STAM: variants seen among roughly 807,000 people sequenced by gnomAD.
STAM encodes signal transducing adapter molecule 1.
Under a neutral mutation model 63.4 loss-of-function variants are expected in STAM, and 16 were observed. The ratio of observed to expected loss-of-function variants is 0.25; its 90% CI spans 0.17 to 0.38. STAM has a LOEUF of 0.38. Ranked by LOEUF, STAM falls within the 10% of genes least tolerant of loss-of-function variation. The pLI is 1.00. For synonymous variants in STAM, 238 were observed against 223.9 expected (o/e 1.06, Z -0.56); for missense variants, 636 against 657.1 (o/e 0.97, Z 0.35).
chr10:17,677,456 C>G (rs1472178537), intron 2 of STAM, among the ~76,000 whole-genome samples: 1 of 151,998 alleles, frequency 6.6e-6, no homozygotes, highest in East Asian at 1.9e-4. Context: ...TTATATCTGG[C>G]CTTTACCATG....
chr10:17,660,897 G>A (rs991200746), intron 2 of STAM, among the ~76,000 whole-genome samples: 2 of 152,084 alleles, frequency 1.3e-5, no homozygotes, highest in Non-Finnish European at 2.9e-5. Context: ...TAACATGGCT[G>A]GTAAAAAGTT....
intron 2 of STAM, among the ~76,000 whole-genome samples, chr10:17,673,678 A>C (rs1182971763): frequency 6.6e-6 from 1 of 152,178 alleles, no homozygotes; most frequent in Non-Finnish European, 1.5e-5. Flanking sequence ...AAACCCCGCA[A>C]ACCAACCCAA....
intron 1 of STAM, among the ~76,000 whole-genome samples, chr10:17,654,078 C>A (rs1287940026): frequency 7.2e-5 from 11 of 152,146 alleles, no homozygotes; most frequent in African/African-American, 2.7e-4. Flanking sequence ...AGAGCTGTGT[C>A]TTCAACCTGT....
At chr10:17,683,296 C>T (rs1291765316) in intron 2 of STAM, among the ~76,000 whole-genome samples, 1 of 151,972 alleles carries the variant, frequency 6.6e-6, no homozygotes, top group Admixed American at 6.6e-5. Context: ...ATTCACTGCG[C>T]CCATAGGAGC....
rs782193967 is a variant in STAM at position 17,707,413 on chromosome 10, AAAT to A, written c.1210-1342_1210-1340del. ...CGACAGAGCAAGACTCCACCTCAAA[AAAT>A]AATAATAATAATAATAATAAATAAA... On this transcript the variant is annotated intron_variant, in intron 12 of 13. Coordinates refer to ENST00000377524, the MANE Select transcript of STAM (RefSeq NM_003473.4). Among the ~76,000 whole-genome samples the A allele has an allele frequency of 2.9e-3, 433 of 151,596 alleles. 1 individual carries two copies. Among genetic ancestry groups the A allele is most frequent in the African/African-American group, 7.2e-3 (297 of 41,384 alleles).
chr10:17,646,744 C>T (rs543667398), intron 1 of STAM, among the ~76,000 whole-genome samples: 1 of 152,114 alleles, frequency 6.6e-6, no homozygotes, highest in Non-Finnish European at 1.5e-5. Context: ...AGTACATAAG[C>T]CTTGCACAGA....
Position 17,660,562 on chromosome 10 carries a change from G to T in STAM, c.125+14G>T, listed in dbSNP as rs201795138. ...GTCTCGCACTGGGTAAGTATTTAGC[G>T]TTTCAAAGGATTTTTATTCTTTCTT... On this transcript the variant is annotated intron_variant, in intron 2 of 13. Transcript: ENST00000377524. The T allele has an allele frequency of 5.8e-6, 9 of 1,561,648 alleles. No homozygotes were observed. The East Asian group carries it at 2.1e-4, about 37-fold the overall frequency.
chr10:17,680,881 G>A (rs1202653229), intron 2 of STAM, among the ~76,000 whole-genome samples: 2 of 152,104 alleles, frequency 1.3e-5, no homozygotes, highest in East Asian at 3.9e-4. Context: ...TGGACACTTG[G>A]GTTGCTTCTG....
chr10:17,711,639 C>A (rs1286169542), intron 13 of STAM, among the ~76,000 whole-genome samples: 2 of 152,090 alleles, frequency 1.3e-5, no homozygotes, highest in Non-Finnish European at 1.5e-5. Context: ...GATGTGGTAG[C>A]CTGGAATGGC....
At chr10:17,699,691 AC>A in intron 8 of STAM, among the ~76,000 whole-genome samples, 1 of 152,320 alleles carries the variant, frequency 6.6e-6, no homozygotes, top group East Asian at 1.9e-4. Flanking sequence ...CTAAACGCCT[AC>A]GTGGCACGCC....
At position 17,714,868 on chromosome 10, in the gene STAM, C is replaced by T; in HGVS notation, c.*88C>T. 2 of 1,272,182 alleles carry T rather than the reference C, an allele frequency of 1.6e-6. No homozygotes were observed. Among genetic ancestry groups the T allele is most frequent in the East Asian group, 2.3e-5 (1 of 43,246 alleles). The allele number at this position is 1,272,182 out of a possible 1,614,324, so 78.8% of individuals were successfully genotyped here. On this transcript the variant is annotated 3_prime_UTR_variant, in exon 14 of 14. Coordinates refer to ENST00000377524, the MANE Select transcript of STAM (RefSeq NM_003473.4). The stretch of plus-strand genomic sequence containing the variant: ...ATTACTATCTTAAGATGTGTTTATC[C>T]TCAGCTTATAGGAATCTCTCCAGGT...
At position 17,695,227 on chromosome 10, in the gene STAM, A is replaced by G. The variant is rs782678180; in HGVS notation, c.714A>G (p.Thr238=). 8 of 1,613,538 alleles carry G rather than the reference A, an allele frequency of 5.0e-6. No homozygotes were observed. The African/African-American group carries it at 9.3e-5, about 19-fold the overall frequency. The change falls in exon 7 of 14, where the codon ACA becomes ACG. Residue 238 remains threonine (T), a synonymous_variant. Coordinates refer to ENST00000377524, the MANE Select transcript of STAM (RefSeq NM_003473.4). ...ELTFKAGEII[T]VLDDSDPNWW... is the part of the protein sequence containing the mutation. ...CTTTTAAAGCTGGAGAAATTATTAC[A>G]GTTCTTGATGACAGGTAATGTTAAT...
Position 17,688,165 on chromosome 10 carries a change from G to A in STAM, c.436G>A (p.Gly146Ser), listed in dbSNP as rs782314871. 1 of 1,556,960 alleles carries A rather than the reference G, an allele frequency of 6.4e-7. No homozygotes were observed. The highest frequency in any genetic ancestry group is 1.2e-5 in the South Asian group (1 of 80,132). The stretch of plus-strand genomic sequence containing the variant: ...ACAAGGAGTTACGTTCCCAGCTATT[G>A]GCTCTCAGGTATTTTGGGAATGAAG... ...KEQGVTFPAI[G>S]SQAAEQAKAS... Residue 146 changes from glycine (G) to serine (S), a missense_variant, in exon 5 of 14, where the codon GGC becomes AGC. Physicochemically the swap from Gly to Ser is moderately conservative, Grantham distance 56 (BLOSUM62 0). This residue lies in a region of STAM where 532 missense variants were observed against 536.9 expected (regional missense o/e 0.99). Coordinates refer to ENST00000377524, the MANE Select transcript of STAM (RefSeq NM_003473.4).
intron 13 of STAM, among the ~76,000 whole-genome samples, chr10:17,712,147 G>T (rs1836583085): frequency 6.6e-6 from 1 of 152,222 alleles, no homozygotes; most frequent in Admixed American, 6.5e-5. Flanking sequence ...TATTTAGTAT[G>T]TTCCAAGCAC....
rs1339213110 is a variant in STAM at position 17,715,848 on chromosome 10, C to G, written c.*1068C>G. On this transcript the variant is annotated 3_prime_UTR_variant, in exon 14 of 14. Transcript: ENST00000377524. ...TCCCTTGCTAGTATTTTAAATATGT[C>G]TTTAACACATTGTATCCTTTAATTC... The G allele has an allele frequency of 1.3e-5, 2 of 152,566 alleles. No individual in the cohort carries two copies. Among genetic ancestry groups the G allele is most frequent in the African/African-American group, 4.8e-5 (2 of 41,440 alleles). 9.5% of individuals were successfully genotyped at this position (152,566 alleles called of 1,614,324 possible).
chr10:17,714,144 C>T (rs1193767543), intron 13 of STAM, among the ~76,000 whole-genome samples: 1 of 152,146 alleles, frequency 6.6e-6, no homozygotes, highest in Non-Finnish European at 1.5e-5. Flanking sequence ...GAGAGGCACC[C>T]TACCATAAAC....
At position 17,684,883 on chromosome 10, in the gene STAM, T is replaced by C; in HGVS notation, c.253T>C (p.Cys85Arg). The C allele has an allele frequency of 1.9e-6, 3 of 1,614,102 alleles. No homozygotes were observed. Among genetic ancestry groups the C allele is most frequent in the Non-Finnish European group, 1.7e-6 (2 of 1,179,952 alleles). Residue 85 changes from cysteine to arginine, a missense_variant, in exon 4 of 14, where the codon TGT (cysteine) becomes CGT (arginine). By Grantham distance (180) the Cys-to-Arg change is radical (BLOSUM62 -3). This residue lies in a region of STAM where 17 missense variants were observed against 39.9 expected (regional missense o/e 0.43). Coordinates refer to ENST00000377524, the MANE Select transcript of STAM (RefSeq NM_003473.4). The part of the protein sequence containing the change: ...NCGKIFHLEV[C>R]SRDFASEVSN... Reference sequence around the variant, plus strand: ...TGGCAAAATTTTTCATTTAGAAGTATGTTCAAGAGATTTTGCTAGTGAAGT... The same window carrying C: ...TGGCAAAATTTTTCATTTAGAAGTACGTTCAAGAGATTTTGCTAGTGAAGT...
chr10:17,663,291 T>G (rs1391253747), intron 2 of STAM, among the ~76,000 whole-genome samples: 1 of 152,164 alleles, frequency 6.6e-6, no homozygotes, highest in African/African-American at 2.4e-5. Context: ...TAAAAATATT[T>G]TTTGTCTTTT....
chr10:17,657,538 G>A (rs1833989111), intron 1 of STAM, among the ~76,000 whole-genome samples: 1 of 152,196 alleles, frequency 6.6e-6, no homozygotes, highest in Non-Finnish European at 1.5e-5. Context: ...CACAGAATTA[G>A]TATAATTTCT....
Sources: gnomAD v4.1 joint callset for allele counts (sites outside exome capture counted in the v4.1 genomes callset) on GRCh38, gnomAD v4.1.1 for gene constraint, gnomAD v4.1.1 regional missense constraint, MANE v1.5 for transcripts, NCBI Gene and HGNC (gene_info 2026-07-23, HGNC 2026-07-21) for gene names.